The following WNT5A variants were observed in gnomAD, a reference collection of about 807,000 sequenced individuals.
WNT5A encodes the protein Wnt family member 5A, also known as protein Wnt-5a.
WNT5A carries 9 observed loss-of-function variants against 42.1 expected under a neutral mutation model. The ratio of observed to expected loss-of-function variants is 0.21; its 90% CI spans 0.13 to 0.37. WNT5A has a LOEUF of 0.37. Ranked by LOEUF, WNT5A falls within the 10% of genes least tolerant of loss-of-function variation. The pLI is 1.00. For synonymous variants in WNT5A, 210 were observed against 210.0 expected, an observed-to-expected ratio of 1.00 and a Z score of 0.00; for missense variants, 426 against 534.0, an observed-to-expected ratio of 0.80 and a Z score of 1.99.
chr3:55,503,510 G>GATGC, the WNT5A span, among the ~76,000 whole-genome samples: 36 of 152,356 alleles, frequency 2.4e-4, no homozygotes, highest in Admixed American at 6.5e-4. Context: ...TATAAACCCA[G>GATGC]ATGCACTCAG....
chr3:55,489,219 C>T (rs1056045993), upstream of WNT5A: 1 of 152,438 alleles, frequency 6.6e-6, no homozygotes, highest in Non-Finnish European at 1.5e-5. Context: ...AACAGTGCCT[C>T]ACACTGGAGC....
At position 55,466,597 on chromosome 3, in the gene WNT5A, T is replaced by G. The variant is rs1439067986; in HGVS notation, c.*3495A>C. 1 of 152,612 alleles carries G rather than the reference T, an allele frequency of 6.6e-6. No homozygotes were observed. The allele number at this position is 152,612 out of a possible 1,614,324, so 9.5% of individuals were successfully genotyped here. The stretch of plus-strand genomic sequence containing the variant: ...AAAACTTAAAAGTCTTCTTTCTATT[T>G]GAGCCCATAATGACTATTTTGAACA... On this transcript the variant is annotated 3_prime_UTR_variant, in exon 5 of 5. Transcript: ENST00000264634.
the WNT5A span, among the ~76,000 whole-genome samples, chr3:55,496,930 G>A: frequency 2.0e-5 from 3 of 152,222 alleles, no homozygotes; most frequent in Admixed American, 1.3e-4. Flanking sequence ...TGACTGATAC[G>A]CTATGCATTC....
At chr3:55,488,132 G>A (rs2051610161), upstream of WNT5A, 1 of 152,594 alleles carries the variant, frequency 6.6e-6, no homozygotes, top group Non-Finnish European at 1.5e-5. Flanking sequence ...CCGGGTCCGA[G>A]GGGCGGGAGA....
At position 55,470,318 on chromosome 3, in the gene WNT5A, G is replaced by A; in HGVS notation, c.917C>T (p.Pro306Leu). 1 of 1,614,068 alleles carries A rather than the reference G, an allele frequency of 6.2e-7. No homozygotes were observed. Among genetic ancestry groups the A allele is most frequent in the Non-Finnish European group, 8.5e-7 (1 of 1,179,910 alleles). The change falls in exon 5 of 5, where the codon CCT becomes CTT. Residue 306 changes from proline (P) to leucine (L), a missense_variant. Physicochemically the swap from Pro to Leu is moderately conservative, Grantham distance 98. Around this residue, in one of 3 missense-constraint regions of WNT5A, gnomAD observed 358 missense variants for 468.1 expected, o/e 0.76. Transcript: ENST00000264634. ...TQDLVYIDPS[P>L]DYCVRNESTG... ...GCTCTCATTGCGCACGCAGTAGTCAGGGCTGGGGTCGATGTAGACCAGGTC... is the reference window on the plus strand; with the variant it reads ...GCTCTCATTGCGCACGCAGTAGTCAAGGCTGGGGTCGATGTAGACCAGGTC...
chr3:55,496,878 G>A, the WNT5A span, among the ~76,000 whole-genome samples: 5 of 152,262 alleles, frequency 3.3e-5, no homozygotes, highest in East Asian at 3.9e-4. Flanking sequence ...AAAATAAATC[G>A]AAGAGTAGCT....
rs1419247608 is a variant in WNT5A at position 55,474,224 on chromosome 3, T to C, written c.684+113A>G. 5 of 1,338,164 alleles carry C rather than the reference T, an allele frequency of 3.7e-6. No individual in the cohort carries two copies. In the East Asian group the frequency reaches 7.3e-5, roughly 20 times the overall value. The allele number at this position is 1,338,164 out of a possible 1,614,324, so 82.9% of individuals were successfully genotyped here. On this transcript the variant is annotated intron_variant, in intron 4 of 4. Coordinates refer to ENST00000264634, the MANE Select transcript of WNT5A (RefSeq NM_003392.7). ...AAGCAGAGAGATAGAGACAGGACCATATAGCAAAGGAGTGGCAGAGGAGAG... is the reference window on the plus strand; with the variant it reads ...AAGCAGAGAGATAGAGACAGGACCACATAGCAAAGGAGTGGCAGAGGAGAG...
chr3:55,473,684 C>A (rs1281095888), intron 4 of WNT5A, among the ~76,000 whole-genome samples: 1 of 151,996 alleles, frequency 6.6e-6, no homozygotes, highest in African/African-American at 2.4e-5. Flanking sequence ...TAGAAAAGCC[C>A]TTTTTTAAAA....
upstream of WNT5A, among the ~76,000 whole-genome samples, chr3:55,493,488 C>A (rs1197649685): frequency 6.6e-6 from 1 of 152,178 alleles, no homozygotes; most frequent in Non-Finnish European, 1.5e-5. Context: ...TTATCCTGAT[C>A]TAAAATTATT....
chr3:55,474,117 G>A (rs1480755046), intron 4 of WNT5A, among the ~76,000 whole-genome samples: 1 of 152,042 alleles, frequency 6.6e-6, no homozygotes, highest in African/African-American at 2.4e-5. Flanking sequence ...GAAGGGAAGA[G>A]GGAGAAAGAA....
chr3:55,475,810 G>C (rs1222071976), intron 3 of WNT5A, among the ~76,000 whole-genome samples: 1 of 152,160 alleles, frequency 6.6e-6, no homozygotes, highest in South Asian at 2.1e-4. Flanking sequence ...GGCTATCATA[G>C]AGTACCCTAA....
At chr3:55,489,932 A>C (rs1356928797), upstream of WNT5A, 1 of 152,242 alleles carries the variant, frequency 6.6e-6, no homozygotes, top group East Asian at 1.9e-4. Context: ...CGTTCTGCCC[A>C]GTGGCCGCAG....
chr3:55,490,714 A>T (rs1388658867), upstream of WNT5A, among the ~76,000 whole-genome samples: 1 of 152,226 alleles, frequency 6.6e-6, no homozygotes, highest in East Asian at 1.9e-4. Context: ...GAGGTTTTCA[A>T]ACTCCTGTGG....
In WNT5A at chr3:55,479,345, G is replaced by A. The variant is rs769103194; in HGVS notation, c.360C>T (p.Asn120=). The A allele has an allele frequency of 6.2e-7, 1 of 1,604,806 alleles. No individual in the cohort carries two copies. The highest frequency in any genetic ancestry group is 1.7e-5 in the Admixed American group (1 of 59,534). ...GCATCACCCTGCCAAAAACAGAGGT[G>A]TTATCCACAGTGCTGCAGTTCCACC... The part of the protein sequence containing the change: ...HRRWNCSTVD[N]TSVFGRVMQI... The change falls in exon 3 of 5, where the codon AAC becomes AAT. Residue 120 remains asparagine (N), a synonymous_variant. Coordinates refer to ENST00000264634, the MANE Select transcript of WNT5A (RefSeq NM_003392.7).
upstream of WNT5A, chr3:55,494,114 A>G (rs2051690504): frequency 6.6e-6 from 1 of 152,222 alleles, no homozygotes; most frequent in Non-Finnish European, 1.5e-5. Context: ...CTTAACTTAC[A>G]TGGAAGAAGC....
chr3:55,466,292 T>G lies in WNT5A; in HGVS notation c.*3800A>C, dbSNP rs2051142326. 6.6e-6 allele frequency: 1 copy of G among 152,230 alleles called. No individual in the cohort carries two copies. Among genetic ancestry groups the G allele is most frequent in the Non-Finnish European group, 1.5e-5 (1 of 68,022 alleles). The allele number at this position is 152,230 out of a possible 1,614,324, so 9.4% of individuals were successfully genotyped here. A position where few individuals can be genotyped will look rare whatever the true frequency, so the allele number is the denominator to read the frequency against. On this transcript the variant is annotated 3_prime_UTR_variant, in exon 5 of 5. Transcript: ENST00000264634. ...CATGCTTCAAGTTATAACTACCTTT[T>G]CTATCTCTCTATATATTGTGGGCCA...
At chr3:55,482,896 C>A (rs1184363861) in intron 1 of WNT5A, among the ~76,000 whole-genome samples, 1 of 152,220 alleles carries the variant, frequency 6.6e-6, no homozygotes, top group Admixed American at 6.5e-5. Flanking sequence ...ACACATCATA[C>A]ACATTCACAC....
rs1253299746 is a variant in WNT5A at position 55,465,944 on chromosome 3, T to C, written c.*4148A>G. The C allele has an allele frequency of 2.0e-5, 3 of 152,186 alleles. No individual in the cohort carries two copies. Among genetic ancestry groups the C allele is most frequent in the Admixed American group, 2.0e-4 (3 of 15,280 alleles). 9.4% of individuals were successfully genotyped at this position (152,186 alleles called of 1,614,324 possible). A position where few individuals can be genotyped will look rare whatever the true frequency, so the allele number is the denominator to read the frequency against. On this transcript the variant is annotated 3_prime_UTR_variant, in exon 5 of 5. Transcript: ENST00000264634. ...AAATCATACCAACCTTTAATCATTC[T>C]ACATCCATTTTTTAAAGTTAGCTAA...
intron 1 of WNT5A, among the ~76,000 whole-genome samples, chr3:55,486,035 C>T (rs995296182): frequency 6.6e-6 from 1 of 152,136 alleles, no homozygotes; most frequent in Non-Finnish European, 1.5e-5. Flanking sequence ...ACTTATGTTG[C>T]AGGAAGAAAC....
Sources: gnomAD v4.1 joint callset for allele counts (sites outside exome capture counted in the v4.1 genomes callset) on GRCh38, gnomAD v4.1.1 for gene constraint, gnomAD v4.1.1 regional missense constraint, MANE v1.5 for transcripts, NCBI Gene and HGNC (gene_info 2026-07-23, HGNC 2026-07-21) for gene names.